Variants in SNX7 observed in about 807,000 individuals in gnomAD.
SNX7 encodes sorting nexin 7.
A neutral mutation model predicts 48.4 loss-of-function variants in SNX7; 35 were observed. The ratio of observed to expected loss-of-function variants is 0.72; its 90% CI spans 0.55 to 0.96. The LOEUF is 0.96. Ranked by LOEUF, SNX7 falls within the 40% of genes least tolerant of loss-of-function variation. SNX7 has a pLI of 0.00. For missense variants in SNX7, 553 were observed against 548.9 expected (o/e 1.01, Z -0.07); for synonymous variants, 190 against 190.2 (o/e 1.00, Z 0.01).
chr1:98,735,628 ATGATGATGG>A (rs1193282479), intron 7 of SNX7, among the ~76,000 whole-genome samples: 1 of 152,118 alleles, frequency 6.6e-6, no homozygotes, highest in Non-Finnish European at 1.5e-5. Flanking sequence ...TCACCAACTG[ATGATGATGG>A]TGATGATGGT....
intron 7 of SNX7, among the ~76,000 whole-genome samples, chr1:98,717,700 G>A (rs964350737): frequency 1.8e-4 from 27 of 152,048 alleles, no homozygotes; most frequent in Admixed American, 6.6e-5. Flanking sequence ...GACCTGCCTT[G>A]TTTATCTCTC....
At chr1:98,672,855 C>T (rs1159854877) in intron 1 of SNX7, among the ~76,000 whole-genome samples, 1 of 134,642 alleles carries the variant, frequency 7.4e-6, no homozygotes, top group Non-Finnish European at 1.5e-5. Flanking sequence ...ACCCGGGAAG[C>T]GGAGCTTGCA....
At chr1:98,752,636 C>T (rs1194663084) in intron 8 of SNX7, among the ~76,000 whole-genome samples, 1 of 152,004 alleles carries the variant, frequency 6.6e-6, no homozygotes, top group Non-Finnish European at 1.5e-5. Flanking sequence ...GTGCAGTTTT[C>T]TGATGGCCAG....
intron 5 of SNX7, among the ~76,000 whole-genome samples, chr1:98,696,962 C>A (rs1570532693): frequency 6.6e-6 from 1 of 152,046 alleles, no homozygotes; most frequent in South Asian, 2.1e-4. Flanking sequence ...AGATAAATTA[C>A]AGTGCAGCTA....
At chr1:98,704,425 A>G (rs2100980370) in intron 7 of SNX7, among the ~76,000 whole-genome samples, 1 of 152,248 alleles carries the variant, frequency 6.6e-6, no homozygotes, top group East Asian at 1.9e-4. Context: ...TGTGAATGGA[A>G]CTGTTTATAT....
chr1:98,667,920 CAAAA>C (rs572683342), intron 1 of SNX7, among the ~76,000 whole-genome samples: 12 of 148,394 alleles, frequency 8.1e-5, no homozygotes, highest in African/African-American at 2.5e-4. Flanking sequence ...AAAAAAAAAA[CAAAA>C]AAAACAAAAC....
chr1:98,698,701 T>C lies in SNX7; in HGVS notation c.839-5T>C, dbSNP rs775361252. On this transcript the variant is annotated splice_polypyrimidine_tract_variant and splice_region_variant and intron_variant, in intron 5 of 8. Transcript: ENST00000306121. ...AGAGCTTATTAAGTCTTTTTTTTTT[T>C]TTAGAATATTTTGATGAAATGAAAG... 4 of 1,600,680 alleles carry C rather than the reference T, an allele frequency of 2.5e-6. No homozygotes were observed. The East Asian group carries it at 6.7e-5, about 27-fold the overall frequency.
In SNX7 at chr1:98,685,146, A is replaced by G. The variant is rs11801822; in HGVS notation, c.363+79A>G. On this transcript the variant is annotated intron_variant, in intron 2 of 8. Coordinates refer to ENST00000306121, the MANE Select transcript of SNX7 (RefSeq NM_015976.5). ...GAAGTAAGTACCTCTTGTTCATTAT[A>G]ATTCTGAACATTCCAAGATCTTAGC... 122 of 858,026 alleles carry G rather than the reference A, an allele frequency of 1.4e-4. No individual in the cohort carries two copies. In the African/African-American group the frequency reaches 2.0e-3, roughly 14 times the overall value. 53.2% of individuals were successfully genotyped at this position (858,026 alleles called of 1,614,324 possible). A position where few individuals can be genotyped will look rare whatever the true frequency, so the allele number is the denominator to read the frequency against.
chr1:98,756,446 T>TA (rs1553208659), intron 8 of SNX7, among the ~76,000 whole-genome samples: 1 of 136,826 alleles, frequency 7.3e-6, no homozygotes, highest in Non-Finnish European at 1.5e-5. Flanking sequence ...TTTTTTTTTT[T>TA]AATATTGGTT....
At chr1:98,673,918 T>C (rs958461359) in intron 1 of SNX7, among the ~76,000 whole-genome samples, 2 of 152,232 alleles carry the variant, frequency 1.3e-5, no homozygotes, top group South Asian at 2.1e-4. Flanking sequence ...GTATATAAGA[T>C]TAATATTTTG....
At position 98,695,614 on chromosome 1, in the gene SNX7, C is replaced by G. The variant is rs373205340; in HGVS notation, c.736C>G (p.Arg246Gly). ...VASSMRGVKN[R>G]PEEFMEMNNF... ...GTCCTCAATGAGAGGAGTTAAAAAC[C>G]GCCCAGAGGAGTTCATGGAAATGAA... Residue 246 changes from arginine to glycine, a missense_variant, in exon 5 of 9, where the codon CGC (arginine) becomes GGC (glycine). Coordinates refer to ENST00000306121, the MANE Select transcript of SNX7 (RefSeq NM_015976.5). 1.9e-6 allele frequency: 3 copies of G among 1,613,948 alleles called. No individual in the cohort carries two copies. Among genetic ancestry groups the G allele is most frequent in the Non-Finnish European group, 2.5e-6 (3 of 1,179,918 alleles).
In SNX7 at chr1:98,661,813, G is replaced by A. The variant is rs878927201; in HGVS notation, c.82G>A (p.Gly28Ser). 34 of 1,245,380 alleles carry A rather than the reference G, an allele frequency of 2.7e-5. No homozygotes were observed. In the South Asian group the frequency reaches 6.6e-4, roughly 24 times the overall value. 77.1% of individuals were successfully genotyped at this position (1,245,380 alleles called of 1,614,324 possible). Residue 28 changes from glycine (G) to serine (S), a missense_variant, in exon 1 of 9, where the codon GGC becomes AGC. By Grantham distance (56) the Gly-to-Ser change is moderately conservative. Transcript: ENST00000306121. ...CGCCAACGGGGAGAGCCCGGGGGGC[G>A]GCGCCCCCTTTCCGGGCAGCAGTGG... The part of the protein sequence containing the change: ...GGANGESPGG[G>S]APFPGSSGSS...
At chr1:98,742,317 C>T (rs963845895) in intron 8 of SNX7, among the ~76,000 whole-genome samples, 19 of 152,096 alleles carry the variant, frequency 1.2e-4, no homozygotes, top group African/African-American at 4.3e-4. Context: ...TGTGTGCCTG[C>T]TAAATTACCA....
chr1:98,714,816 G>A (rs1476040171), intron 7 of SNX7, among the ~76,000 whole-genome samples: 1 of 152,208 alleles, frequency 6.6e-6, no homozygotes. Flanking sequence ...CGAACAATGT[G>A]TAGGCCTTGA....
At chr1:98,741,202 A>G (rs1654051494) in intron 8 of SNX7, among the ~76,000 whole-genome samples, 1 of 152,156 alleles carries the variant, frequency 6.6e-6, no homozygotes, top group Admixed American at 6.6e-5. Flanking sequence ...AGTGTGATGG[A>G]TGAAACAGGG....
chr1:98,710,138 G>A (rs1409169492), intron 7 of SNX7, among the ~76,000 whole-genome samples: 2 of 152,060 alleles, frequency 1.3e-5, no homozygotes, highest in Non-Finnish European at 2.9e-5. Flanking sequence ...TCATGTAACC[G>A]TTACCCAGAA....
At chr1:98,709,820 C>A (rs1346837306) in intron 7 of SNX7, among the ~76,000 whole-genome samples, 2 of 152,148 alleles carry the variant, frequency 1.3e-5, no homozygotes, top group Non-Finnish European at 2.9e-5. Flanking sequence ...CAAACTCACC[C>A]TTGGCTTTAC....
At chr1:98,684,707 T>C (rs1650690100) in intron 1 of SNX7, among the ~76,000 whole-genome samples, 178 bp from the exon 2 acceptor site, 1 of 152,230 alleles carries the variant, frequency 6.6e-6, no homozygotes, top group African/African-American at 2.4e-5. Context: ...TACTGTCATC[T>C]TTTGGGTGGG....
chr1:98,748,681 T>C (rs1413294069), intron 8 of SNX7, among the ~76,000 whole-genome samples: 1 of 128,568 alleles, frequency 7.8e-6, no homozygotes, highest in Non-Finnish European at 1.7e-5. Flanking sequence ...CACTGCATTT[T>C]ATCACAAATA....
Sources: gnomAD v4.1 joint callset for allele counts (sites outside exome capture counted in the v4.1 genomes callset) on GRCh38, gnomAD v4.1.1 for gene constraint, MANE v1.5 for transcripts, NCBI Gene and HGNC (gene_info 2026-07-23, HGNC 2026-07-21) for gene names.